Variants in KCNH1 observed in about 807,000 individuals in gnomAD.
KCNH1 encodes potassium voltage-gated channel subfamily H member 1, also known as voltage-gated delayed rectifier potassium channel KCNH1.
A neutral mutation model predicts 69.2 loss-of-function variants in KCNH1; 27 were observed. That is an observed-to-expected ratio of 0.39 (90% CI 0.29 to 0.54). The LOEUF is 0.54. Among genes scored for constraint, KCNH1 ranks in the 20% least tolerant of loss-of-function variants. The pLI, the probability that KCNH1 is intolerant of heterozygous loss-of-function variation, is 0.68. For missense variants in KCNH1, 798 were observed against 1,261.6 expected (o/e 0.63, Z 5.57); for synonymous variants, 456 against 487.7 (o/e 0.93, Z 0.86).
At chr1:210,773,812 T>A (rs1321144579) in intron 10 of KCNH1, among the ~76,000 whole-genome samples, 1 of 152,230 alleles carries the variant, frequency 6.6e-6, no homozygotes. Context: ...TCCATTAGAC[T>A]TTAGGTTCCC....
At chr1:210,918,312 A>G (rs183985848) in intron 7 of KCNH1, among the ~76,000 whole-genome samples, 106 of 152,362 alleles carry the variant, frequency 7.0e-4, no homozygotes, top group Non-Finnish European at 9.8e-4. Flanking sequence ...GTTTCTACCT[A>G]CTGAAACAAG....
chr1:210,785,894 C>T (rs1199536725), intron 9 of KCNH1, among the ~76,000 whole-genome samples: 1 of 152,094 alleles, frequency 6.6e-6, no homozygotes, highest in Admixed American at 6.6e-5. Flanking sequence ...TTGTGCTGGT[C>T]ATCATCACAA....
At chr1:210,817,778 T>C (rs1574274686) in intron 7 of KCNH1, among the ~76,000 whole-genome samples, 1 of 152,190 alleles carries the variant, frequency 6.6e-6, no homozygotes, top group Non-Finnish European at 1.5e-5. Context: ...TAAGCATACA[T>C]AGAGCTAGAT....
rs192054232 is a variant in KCNH1, at chr1:210,742,586, T to C, written c.2112+32762A>G. On this transcript the variant is annotated intron_variant, in intron 10 of 10. Transcript: ENST00000271751. ...TGAATTTGAATGACAGCAGACAGTT[T>C]GGGTCTTAGACTACTGCCTCATGCA... Among the ~76,000 whole-genome samples the C allele has an allele frequency of 1.4e-3, 216 of 152,296 alleles. 1 individual carries two copies. The highest frequency in any genetic ancestry group is 3.4e-3 in the Middle Eastern group (1 of 294).
chr1:210,984,949 C>A (rs1311486982), intron 6 of KCNH1, among the ~76,000 whole-genome samples: 1 of 152,126 alleles, frequency 6.6e-6, no homozygotes, highest in Admixed American at 6.6e-5. Flanking sequence ...TTAATTATTG[C>A]CTCAATTTCA....
intron 1 of KCNH1, among the ~76,000 whole-genome samples, chr1:211,120,190 ATTT>A (rs112118539): frequency 6.4e-5 from 9 of 141,300 alleles, no homozygotes; most frequent in African/African-American, 1.3e-4. Context: ...ATATATATAC[ATTT>A]TTTTTTTTTT....
intron 10 of KCNH1, among the ~76,000 whole-genome samples, chr1:210,751,624 C>G (rs1574233638): frequency 6.6e-6 from 1 of 152,024 alleles, no homozygotes; most frequent in South Asian, 2.1e-4. Context: ...CTGGCTGGAC[C>G]TGAGGGTGCC....
rs151083741 is a variant in KCNH1 at position 210,764,227 on chromosome 1, A to G, written c.2112+11121T>C. Reference sequence around the variant, plus strand: ...ATATACAGAAATTAACACAAGATGAATTAAAGACTTAAATGTAATACCTCA... The same window carrying G: ...ATATACAGAAATTAACACAAGATGAGTTAAAGACTTAAATGTAATACCTCA... On this transcript the variant is annotated intron_variant, in intron 10 of 10. Transcript: ENST00000271751. Among the ~76,000 whole-genome samples the G allele has an allele frequency of 1.8e-4, 28 of 152,358 alleles. 1 individual carries two copies. The East Asian group carries it at 5.2e-3, about 28-fold the overall frequency.
chr1:210,853,450 G>A (rs1207018702), intron 7 of KCNH1, among the ~76,000 whole-genome samples: 1 of 152,168 alleles, frequency 6.6e-6, no homozygotes, highest in Non-Finnish European at 1.5e-5. Flanking sequence ...TGTCATGAGA[G>A]GCCAACCCTG....
chr1:210,960,256 T>C lies in KCNH1; in HGVS notation c.1033-40187A>G, dbSNP rs144441730. Among the ~76,000 whole-genome samples, 360 of 152,340 alleles carry C rather than the reference T, an allele frequency of 2.4e-3. 1 individual carries two copies. The highest frequency in any genetic ancestry group is 0.01 in the Middle Eastern group (3 of 294). On this transcript the variant is annotated intron_variant, in intron 6 of 10. Transcript: ENST00000271751. ...CCAGCCTCCTCCAAGAAGTAACTAT[T>C]ACCTATATCATAAATTTTAGGTTTC...
intron 5 of KCNH1, among the ~76,000 whole-genome samples, chr1:211,049,038 A>G (rs1007391063): frequency 2.0e-5 from 3 of 150,116 alleles, no homozygotes; most frequent in Admixed American, 6.7e-5. Context: ...TTATTTGAAG[A>G]AAAAAAAAAT....
rs1198351019 is a variant in KCNH1 at position 210,919,854 on chromosome 1, G to C, written c.1248C>G (p.Asn416Lys). Residue 416 changes from asparagine to lysine, a missense_variant, in exon 7 of 11, where the codon AAC becomes AAG. This residue lies in a region of KCNH1 where 197 missense variants were observed against 407.7 expected (regional missense o/e 0.48). Coordinates refer to ENST00000271751, the MANE Select transcript of KCNH1 (RefSeq NM_172362.3). The surrounding 1 kb of genome is among the most constrained non-coding windows in gnomAD (Gnocchi z 4.2). ...CCATCGCTAGTTGGTACAGCCAGCT[G>C]TTGTTGCGGATTGTCTTGGTGTCCT... ...FDEDTKTIRN[N>K]SWLYQLAMDI... The C allele has an allele frequency of 6.2e-7, 1 of 1,614,088 alleles. No homozygotes were observed. Among genetic ancestry groups the C allele is most frequent in the African/African-American group, 1.3e-5 (1 of 74,934 alleles).
chr1:210,809,745 C>G (rs546754920), intron 7 of KCNH1, among the ~76,000 whole-genome samples: 1 of 152,240 alleles, frequency 6.6e-6, no homozygotes, highest in African/African-American at 2.4e-5. Context: ...AAGGGAGGAG[C>G]AGCATCAGTG....
chr1:211,090,558 A>C lies in KCNH1; in HGVS notation c.439+4T>G, dbSNP rs762877867. On this transcript the variant is annotated splice_donor_region_variant and intron_variant, in intron 4 of 10. Transcript: ENST00000271751. ...ATGTATTTGTACAAGTCAGAATTACAAACCTTTACATGAATCATCCTCAAT... is the reference window on the plus strand; with the variant it reads ...ATGTATTTGTACAAGTCAGAATTACCAACCTTTACATGAATCATCCTCAAT... The C allele has an allele frequency of 4.4e-6, 7 of 1,594,750 alleles. No homozygotes were observed. In the Admixed American group the frequency reaches 1.3e-4, roughly 30 times the overall value.
At chr1:210,906,674 A>G (rs1439974477) in intron 7 of KCNH1, among the ~76,000 whole-genome samples, 2 of 152,226 alleles carry the variant, frequency 1.3e-5, no homozygotes, top group Non-Finnish European at 2.9e-5. Context: ...TATGAGCTAC[A>G]TGTGTCACTG....
chr1:210,872,923 C>T (rs181694306), intron 7 of KCNH1, among the ~76,000 whole-genome samples: 98 of 152,244 alleles, frequency 6.4e-4, no homozygotes, highest in Admixed American at 6.4e-3. Context: ...ATTCTTAATT[C>T]CTTTCAATCA....
At chr1:210,995,607 C>T (rs1689017481) in intron 6 of KCNH1, among the ~76,000 whole-genome samples, 1 of 152,100 alleles carries the variant, frequency 6.6e-6, no homozygotes, top group Non-Finnish European at 1.5e-5. Flanking sequence ...TACCAAATAC[C>T]CCTAAACAGA....
intron 10 of KCNH1, among the ~76,000 whole-genome samples, chr1:210,762,490 C>T (rs868586032): frequency 6.6e-5 from 10 of 151,950 alleles, no homozygotes; most frequent in African/African-American, 2.4e-4. Flanking sequence ...GCTAGATGAA[C>T]AAAGGAGAGA....
At chr1:210,843,404 G>A (rs1014626099) in intron 7 of KCNH1, among the ~76,000 whole-genome samples, 2 of 152,182 alleles carry the variant, frequency 1.3e-5, no homozygotes, top group Non-Finnish European at 2.9e-5. Flanking sequence ...CTCTTCAGAA[G>A]GTGGAAGAAG....
Sources: gnomAD v4.1 joint callset for allele counts (sites outside exome capture counted in the v4.1 genomes callset) on GRCh38, gnomAD v4.1.1 for gene constraint, gnomAD v4.1.1 regional missense constraint, Gnocchi (gnomAD v3.1) non-coding constraint, MANE v1.5 for transcripts, NCBI Gene and HGNC (gene_info 2026-07-23, HGNC 2026-07-21) for gene names.